FCER2: variants seen among roughly 807,000 people sequenced by gnomAD.
FCER2 encodes Fc epsilon receptor II, also known as low affinity immunoglobulin epsilon Fc receptor.
In FCER2, 38 loss-of-function variants were observed where a neutral mutation model predicts 49.7. The observed-to-expected ratio is 0.76, with a 90% CI of 0.59 to 1.00. The LOEUF is 1.00. FCER2 is among the 50% of genes least tolerant of loss of function. FCER2 has a pLI of 0.00. For missense variants in FCER2, 425 were observed against 419.5 expected (o/e 1.01, Z -0.11); for synonymous variants, 163 against 164.6 (o/e 0.99, Z 0.07).
chr19:7,697,885 A>G (rs916093463), intron 4 of FCER2, among the ~76,000 whole-genome samples: 3 of 152,154 alleles, frequency 2.0e-5, no homozygotes, highest in Non-Finnish European at 2.9e-5. Flanking sequence ...TGCCCATTTT[A>G]CAGATGAGGA....
intron 1 of FCER2, among the ~76,000 whole-genome samples, chr19:7,700,670 A>C (rs759984051): frequency 6.6e-6 from 1 of 151,514 alleles, no homozygotes; most frequent in Admixed American, 6.6e-5. Flanking sequence ...ACGTGCCACC[A>C]TGACCAGATA....
chr19:7,693,373 C>A (rs1166840298), intron 8 of FCER2, among the ~76,000 whole-genome samples: 1 of 152,032 alleles, frequency 6.6e-6, no homozygotes, highest in Admixed American at 6.6e-5. Context: ...TTCCCCCCAC[C>A]GCAGTGAAAC....
In FCER2 at chr19:7,689,400, C is replaced by G; in HGVS notation, c.759G>C (p.Arg253=). 6.2e-7 allele frequency: 1 copy of G among 1,601,686 alleles called. No homozygotes were observed. Among genetic ancestry groups the G allele is most frequent in the Non-Finnish European group, 8.5e-7 (1 of 1,173,920 alleles). ...SNWAPGEPTS[R]SQGEDCVMMR... Reference sequence around the variant, plus strand: ...TCATCACGCAGTCCTCGCCCTGGCTCCGGCTGGTGGGCTCCCCTGGAGCCC... The same window carrying G: ...TCATCACGCAGTCCTCGCCCTGGCTGCGGCTGGTGGGCTCCCCTGGAGCCC... Residue 253 remains arginine, a synonymous_variant, in exon 11 of 11, where the codon CGG becomes CGC. Transcript: ENST00000597921.
intron 8 of FCER2, 48 bp from the exon 9 acceptor site, chr19:7,690,605 G>A (rs779688871): frequency 1.3e-6 from 2 of 1,585,610 alleles, no homozygotes; most frequent in Middle Eastern, 1.7e-4. Flanking sequence ...AAGTGCCTTG[G>A]GCACCCTGGG....
At position 7,690,195 on chromosome 19, in the gene FCER2, T is replaced by TC. The variant is rs1330402474; in HGVS notation, c.691dup (p.Glu231GlyfsTer46). On this transcript the variant is annotated frameshift_variant, in exon 10 of 11. Transcript: ENST00000597921. LOFTEE classifies it high-confidence loss of function. ...GTGGCTCCCATCCACCCAGATAAAC[T>TC]CCCCCTTCAGGTCCAAGTTCCGAAG... 1 of 1,613,530 alleles carries TC rather than the reference T, an allele frequency of 6.2e-7. No homozygotes were observed. Among genetic ancestry groups the TC allele is most frequent in the South Asian group, 1.1e-5 (1 of 91,058 alleles).
Position 7,700,703 on chromosome 19 carries a change from C to T in FCER2, c.-85-858G>A, listed in dbSNP as rs868141679. On this transcript the variant is annotated intron_variant, in intron 1 of 10. Coordinates refer to ENST00000597921, the MANE Select transcript of FCER2 (RefSeq NM_001220500.2). ...ATAATTTTTGTATTTTTAGTAGAGA[C>T]GGGTTTTCACTATGTTGGCCAGGCT... 3.3e-5 allele frequency among the ~76,000 whole-genome samples: 5 copies of T among 151,802 alleles called. No homozygotes were observed. In the East Asian group the frequency reaches 5.8e-4, roughly 18 times the overall value.
chr19:7,688,929 GT>G lies in FCER2; in HGVS notation c.*263del. 5.9e-6 allele frequency: 3 copies of G among 508,400 alleles called. No homozygotes were observed. The highest frequency in any genetic ancestry group is 7.1e-6 in the Non-Finnish European group (2 of 283,040). 31.5% of individuals were successfully genotyped at this position (508,400 alleles called of 1,614,324 possible). A position where few individuals can be genotyped will look rare whatever the true frequency, so the allele number is the denominator to read the frequency against. ...TGTACTCTCATCTGGAGAGGGTGCT[GT>G]TGGGGTGTACTCTCATCTGGAGAGG... On this transcript the variant is annotated 3_prime_UTR_variant, in exon 11 of 11. Coordinates refer to ENST00000597921, the MANE Select transcript of FCER2 (RefSeq NM_001220500.2).
chr19:7,690,661 G>T, intron 8 of FCER2, 104 bp from the exon 9 acceptor site: 1 of 1,223,972 alleles, frequency 8.2e-7, no homozygotes. Context: ...CTGGGGTCCC[G>T]GCTAAAAGCA....
intron 8 of FCER2, among the ~76,000 whole-genome samples, chr19:7,691,912 A>G (rs2146269375): frequency 6.6e-6 from 1 of 152,306 alleles, no homozygotes; most frequent in Admixed American, 6.5e-5. Context: ...CACCAGCACT[A>G]TCACCACAAA....
Position 7,699,740 on chromosome 19 carries a change from T to G in FCER2, c.21A>C (p.Ser7=). ...GTTAGAACCAGAGAGTCCTCCTACC[T>G]GAATATTGACCTTCCTCCATGGCGG... MEEGQY[S]EIEELPRRRC... The change falls in exon 2 of 11, where the codon TCA becomes TCC. Residue 7 remains serine, a splice_region_variant and synonymous_variant. Transcript: ENST00000597921. The G allele has an allele frequency of 6.2e-7, 1 of 1,613,730 alleles. No individual in the cohort carries two copies. Among genetic ancestry groups the G allele is most frequent in the Non-Finnish European group, 8.5e-7 (1 of 1,179,676 alleles).
At chr19:7,693,012 C>T (rs1036636482) in intron 8 of FCER2, among the ~76,000 whole-genome samples, 7 of 152,170 alleles carry the variant, frequency 4.6e-5, no homozygotes, top group South Asian at 4.1e-4. Context: ...GTCAGCAACA[C>T]CTTCATCACC....
At chr19:7,697,166 C>A in intron 6 of FCER2, 70 bp downstream of exon 6, 2 of 1,606,022 alleles carry the variant, frequency 1.2e-6, no homozygotes, top group Non-Finnish European at 1.7e-6. Context: ...CCTCGTGGTT[C>A]CCCAGGGCTC....
In FCER2 at chr19:7,697,257, G is replaced by A. The variant is rs542037732; in HGVS notation, c.295C>T (p.Gln99Ter). 1.2e-6 allele frequency: 2 copies of A among 1,614,152 alleles called. No homozygotes were observed. Among genetic ancestry groups the A allele is most frequent in the Non-Finnish European group, 8.5e-7 (1 of 1,180,014 alleles). Residue 99 changes from glutamine (Q) to a stop codon, truncating the protein, a stop_gained, in exon 6 of 11, where the codon CAG becomes TAG. Transcript: ENST00000597921. LOFTEE classifies it high-confidence loss of function. ...SQELEELRAE[Q>*]QRLKSQDLEL... The stretch of plus-strand genomic sequence containing the variant: ...TCACCCTGAGATTTCAATCTCTGCT[G>A]TTCAGCTCGAAGTTCCTCCAGTTCC...
At chr19:7,692,012 C>T (rs1285116215) in intron 8 of FCER2, among the ~76,000 whole-genome samples, 7 of 77,566 alleles carry the variant, frequency 9.0e-5, no homozygotes, top group African/African-American at 2.2e-4. Flanking sequence ...CCAACACCAT[C>T]AGCACGAATA....
Position 7,698,381 on chromosome 19 carries a change from C to A in FCER2, c.165G>T (p.Gln55His). ...CGTTCCGGGCAGCCCTCTCTTCCAG[C>A]TGTTTTAGACTCTGTGTGGTGTCCC... is the stretch of plus-strand genomic sequence containing the variant. Reference protein sequence around the residue: ...WHWDTTQSLKQLEERAARNVS... With the variant: ...WHWDTTQSLKHLEERAARNVS... The change falls in exon 4 of 11, where the codon CAG becomes CAT. Residue 55 changes from glutamine to histidine, a missense_variant. Transcript: ENST00000597921. 6.2e-7 allele frequency: 1 copy of A among 1,612,546 alleles called. No homozygotes were observed. Among genetic ancestry groups the A allele is most frequent in the South Asian group, 1.1e-5 (1 of 90,872 alleles).
In FCER2 at chr19:7,699,824, G is replaced by A; in HGVS notation, c.-64C>T. On this transcript the variant is annotated 5_prime_UTR_variant, in exon 2 of 11. Transcript: ENST00000597921. ...ACTCCCTGACAACGCAGTCCACTCA[G>A]CGGGCACAATCACAGCTCTGGCTGA... The A allele has an allele frequency of 4.0e-6, 6 of 1,507,104 alleles. No homozygotes were observed. Among genetic ancestry groups the A allele is most frequent in the Non-Finnish European group, 5.5e-6 (6 of 1,083,740 alleles). 93.4% of individuals were successfully genotyped at this position (1,507,104 alleles called of 1,614,324 possible).
rs2032779924 is a variant in FCER2, at chr19:7,689,066, G to C, written c.*127C>G. The C allele has an allele frequency of 1.5e-6, 1 of 672,696 alleles. No homozygotes were observed. The highest frequency in any genetic ancestry group is 2.6e-6 in the Non-Finnish European group (1 of 383,862). 41.7% of individuals were successfully genotyped at this position (672,696 alleles called of 1,614,324 possible). Reference sequence around the variant, plus strand: ...GGAAGGCAGGGGCCATAGAGGAGCGGGAGATGTGTCAGCTGCCTCCGTTTG... The same window carrying C: ...GGAAGGCAGGGGCCATAGAGGAGCGCGAGATGTGTCAGCTGCCTCCGTTTG... On this transcript the variant is annotated 3_prime_UTR_variant, in exon 11 of 11. Transcript: ENST00000597921.
At chr19:7,696,553 A>C (rs975738989) in intron 8 of FCER2, among the ~76,000 whole-genome samples, 17 of 152,024 alleles carry the variant, frequency 1.1e-4, no homozygotes, top group African/African-American at 3.9e-4. Flanking sequence ...CTTCTCTTAA[A>C]AAATAAAATA....
At chr19:7,697,902 G>A (rs2033059845) in intron 4 of FCER2, among the ~76,000 whole-genome samples, 2 of 152,154 alleles carry the variant, frequency 1.3e-5, no homozygotes, top group African/African-American at 2.4e-5. Flanking sequence ...AGGAAATGGA[G>A]GCACAAAGCA....
Sources: gnomAD v4.1 joint callset for allele counts (sites outside exome capture counted in the v4.1 genomes callset) on GRCh38, gnomAD v4.1.1 for gene constraint, MANE v1.5 for transcripts, NCBI Gene and HGNC (gene_info 2026-07-23, HGNC 2026-07-21) for gene names.